The following CFDP1 variants were observed in gnomAD, a reference collection of about 807,000 sequenced individuals.
CFDP1 encodes the protein chromatin remodeling protein CFDP1, also known as heterochromatin-stabilizing protein CFDP1.
CFDP1 carries 31 observed loss-of-function variants against 40.1 expected under a neutral mutation model. The ratio of observed to expected loss-of-function variants is 0.77; its 90% CI spans 0.58 to 1.04. The LOEUF is 1.04. Ranked by LOEUF, CFDP1 falls within the 50% of genes least tolerant of loss-of-function variation. The probability of loss-of-function intolerance (pLI) is 0.00; values close to 1 mark genes in which losing one functional copy is unlikely to be tolerated. For synonymous variants in CFDP1, 167 were observed against 120.0 expected (o/e 1.39, Z -2.56); for missense variants, 423 against 343.4 (o/e 1.23, Z -1.83).
chr16:75,403,286 T>A (rs2079070973), intron 4 of CFDP1, among the ~76,000 whole-genome samples: 1 of 152,204 alleles, frequency 6.6e-6, no homozygotes, highest in Admixed American at 6.6e-5. Context: ...TGGCACGATC[T>A]CAGCACACAG....
At chr16:75,395,682 A>C (rs2078990738) in intron 4 of CFDP1, among the ~76,000 whole-genome samples, 1 of 152,176 alleles carries the variant, frequency 6.6e-6, no homozygotes, top group Non-Finnish European at 1.5e-5. Flanking sequence ...AAATAAAAAA[A>C]CATTTTCCCT....
chr16:75,364,313 CA>C (rs1484139431), intron 5 of CFDP1, among the ~76,000 whole-genome samples: 3 of 152,014 alleles, frequency 2.0e-5, no homozygotes, highest in African/African-American at 7.3e-5. Context: ...TTTTAGCTAC[CA>C]AATTCCCCTT....
intron 6 of CFDP1, 77 bp from the exon 7 acceptor site, chr16:75,294,119 G>T: frequency 2.8e-6 from 3 of 1,078,990 alleles, no homozygotes; most frequent in South Asian, 2.6e-5. Context: ...ATCCCCCAGG[G>T]ATAAACTAAG....
intron 4 of CFDP1, 74 bp from the exon 5 acceptor site, chr16:75,395,283 G>A (rs1372617847): frequency 1.3e-6 from 2 of 1,495,310 alleles, no homozygotes; most frequent in South Asian, 1.2e-5. Flanking sequence ...AGGGAATAAA[G>A]ACAACTAGAA....
chr16:75,432,794 G>T (rs991462815), intron 1 of CFDP1, among the ~76,000 whole-genome samples: 1 of 152,210 alleles, frequency 6.6e-6, no homozygotes, highest in Non-Finnish European at 1.5e-5. Context: ...GTTCTGAGAG[G>T]AGAGGATGGG....
chr16:75,331,653 G>A (rs2078446761), intron 5 of CFDP1, among the ~76,000 whole-genome samples: 1 of 151,994 alleles, frequency 6.6e-6, no homozygotes, highest in Admixed American at 6.6e-5. Flanking sequence ...TTTCTTTTGT[G>A]TCTGGTTTCT....
At chr16:75,338,469 G>A (rs72787106) in intron 5 of CFDP1, among the ~76,000 whole-genome samples, 197 of 152,312 alleles carry the variant, frequency 1.3e-3, no homozygotes, top group Middle Eastern at 3.4e-3. Flanking sequence ...GCATCTTAAA[G>A]ATGAGCATGA....
At chr16:75,414,483 C>A in intron 2 of CFDP1, 95 bp downstream of exon 2, 2 of 744,684 alleles carry the variant, frequency 2.7e-6, no homozygotes, top group Non-Finnish European at 4.7e-6. Flanking sequence ...GTTAGAAACT[C>A]TGGCTTCATT....
intron 5 of CFDP1, among the ~76,000 whole-genome samples, chr16:75,347,216 C>T (rs937986059): frequency 2.7e-5 from 4 of 150,820 alleles, no homozygotes; most frequent in Admixed American, 6.6e-5. Context: ...TAATGGCGGG[C>T]GCTTGTAATC....
chr16:75,347,144 A>G (rs2078572284), intron 5 of CFDP1, among the ~76,000 whole-genome samples: 1 of 151,532 alleles, frequency 6.6e-6, no homozygotes, highest in Admixed American at 6.6e-5. Context: ...AGAGTTCGAC[A>G]ACAGCCTGGT....
At chr16:75,359,114 T>C (rs766606862) in intron 5 of CFDP1, among the ~76,000 whole-genome samples, 9 of 152,220 alleles carry the variant, frequency 5.9e-5, no homozygotes, top group African/African-American at 2.2e-4. Flanking sequence ...CTGATTAAAA[T>C]AGACTGAATG....
chr16:75,316,376 C>T (rs1050415813), intron 5 of CFDP1, among the ~76,000 whole-genome samples: 11 of 152,088 alleles, frequency 7.2e-5, no homozygotes, highest in Non-Finnish European at 1.6e-4. Context: ...GCTACGTCTA[C>T]AGACAGACTA....
chr16:75,336,258 G>C (rs1290820879), intron 5 of CFDP1, among the ~76,000 whole-genome samples: 1 of 152,226 alleles, frequency 6.6e-6, no homozygotes, highest in Non-Finnish European at 1.5e-5. Context: ...TTGTGGTGCA[G>C]ATAGGTAGCA....
chr16:75,425,839 C>G (rs2079335723), intron 1 of CFDP1, among the ~76,000 whole-genome samples: 1 of 150,518 alleles, frequency 6.6e-6, no homozygotes, highest in Non-Finnish European at 1.5e-5. Context: ...AGTTCAAGAC[C>G]AGCCTGGCCA....
intron 5 of CFDP1, among the ~76,000 whole-genome samples, chr16:75,313,264 C>T (rs2078306008): frequency 6.6e-6 from 1 of 152,208 alleles, no homozygotes; most frequent in South Asian, 2.1e-4. Flanking sequence ...TTGGTTCGTG[C>T]ATATAATGCA....
chr16:75,320,431 A>G (rs1399283323), intron 5 of CFDP1, among the ~76,000 whole-genome samples: 1 of 124,574 alleles, frequency 8.0e-6, no homozygotes, highest in Non-Finnish European at 1.7e-5. Context: ...GATTGTTTGA[A>G]GGAAAACTAG....
chr16:75,346,595 A>G (rs2078567396), intron 5 of CFDP1, among the ~76,000 whole-genome samples: 1 of 37,890 alleles, frequency 2.6e-5, no homozygotes. Context: ...AAAAAAAAAA[A>G]AAAAAAAAAA....
rs567748290 is a variant in CFDP1, at chr16:75,308,395, A to G, written c.651-3213T>C. 8.5e-5 allele frequency among the ~76,000 whole-genome samples: 13 copies of G among 152,252 alleles called. No individual in the cohort carries two copies. The East Asian group carries it at 2.5e-3, about 29-fold the overall frequency. ...TTCCCAAATAAACTCCCTGCACTCAAAATCCTTGTCTTATGTTCTGCTTTG... is the reference window on the plus strand; with the variant it reads ...TTCCCAAATAAACTCCCTGCACTCAGAATCCTTGTCTTATGTTCTGCTTTG... On this transcript the variant is annotated intron_variant, in intron 5 of 6. Transcript: ENST00000283882.
chr16:75,362,433 G>A (rs1240956224), intron 5 of CFDP1, among the ~76,000 whole-genome samples: 1 of 152,158 alleles, frequency 6.6e-6, no homozygotes, highest in Non-Finnish European at 1.5e-5. Context: ...CCTATGTTCT[G>A]GGTTTTCCTG....
Sources: gnomAD v4.1 joint callset for allele counts (sites outside exome capture counted in the v4.1 genomes callset) on GRCh38, gnomAD v4.1.1 for gene constraint, MANE v1.5 for transcripts, NCBI Gene and HGNC (gene_info 2026-07-23, HGNC 2026-07-21) for gene names.